CNTN6: variants seen among roughly 807,000 people sequenced by gnomAD.
The protein encoded by CNTN6 is contactin-6.
A neutral mutation model predicts 122.8 loss-of-function variants in CNTN6; 137 were observed. The ratio of observed to expected loss-of-function variants is 1.12; its 90% CI spans 0.97 to 1.29. The LOEUF (loss-of-function observed/expected upper bound fraction) is 1.29. CNTN6 is among the 50% of genes most tolerant of loss of function. The pLI is 0.00. For synonymous variants in CNTN6, 570 were observed against 426.0 expected, an observed-to-expected ratio of 1.34 and a Z score of -4.16; for missense variants, 1,634 against 1,223.4, an observed-to-expected ratio of 1.34 and a Z score of -5.01.
At chr3:1,320,631 C>G (rs1020072610) in intron 7 of CNTN6, among the ~76,000 whole-genome samples, 1 of 151,594 alleles carries the variant, frequency 6.6e-6, no homozygotes, top group African/African-American at 2.4e-5. Flanking sequence ...TTCAAATCAT[C>G]TAAAAATCTA....
intron 4 of CNTN6, among the ~76,000 whole-genome samples, chr3:1,243,517 A>G (rs922760059): frequency 2.6e-5 from 4 of 152,050 alleles, no homozygotes; most frequent in Admixed American, 2.6e-4. Context: ...AATAAAATGT[A>G]TTTTGAGAAT....
rs375408397 is a variant in CNTN6, at chr3:1,222,081, A to T, written c.182+1268A>T. ...CCTTATCTTGAATTTTTTTGAGCTA[A>T]CTTCAGTGTCTTCTTTTTACAACAA... On this transcript the variant is annotated intron_variant, in intron 3 of 22. Transcript: ENST00000446702. Among the ~76,000 whole-genome samples, 18 of 152,272 alleles carry T rather than the reference A, an allele frequency of 1.2e-4. No individual in the cohort carries two copies. In the South Asian group the frequency reaches 3.5e-3, roughly 30 times the overall value.
At chr3:1,203,710 T>G (rs557855144) in intron 2 of CNTN6, among the ~76,000 whole-genome samples, 1 of 152,354 alleles carries the variant, frequency 6.6e-6, no homozygotes, top group South Asian at 2.1e-4. Context: ...TATCATCAAA[T>G]AATGCACGCT....
At chr3:1,217,689 G>C (rs2094147009) in intron 2 of CNTN6, among the ~76,000 whole-genome samples, 1 of 152,174 alleles carries the variant, frequency 6.6e-6, no homozygotes, top group Admixed American at 6.5e-5. Context: ...GAAAATGTGA[G>C]AGGATAGTGA....
At chr3:1,392,893 A>G (rs1246037109) in intron 20 of CNTN6, among the ~76,000 whole-genome samples, 91 of 126,106 alleles carry the variant, frequency 7.2e-4, no homozygotes, top group African/African-American at 2.5e-3. Context: ...CGATCATTAA[A>G]AAGTCAGGAA....
At chr3:1,258,954 G>A (rs2094802678) in intron 4 of CNTN6, among the ~76,000 whole-genome samples, 1 of 152,034 alleles carries the variant, frequency 6.6e-6, no homozygotes. Flanking sequence ...TGATTTTCCG[G>A]CCAATGTCTC....
In CNTN6 at chr3:1,297,847, C is replaced by G. The variant is rs73093208; in HGVS notation, c.659-42C>G. On this transcript the variant is annotated intron_variant, in intron 6 of 22. Transcript: ENST00000446702. Reference sequence around the variant, plus strand: ...GAAGCATTTACTTCATAGAAAACTTCTATTCTCCAGAAATGCTGCTAGCTC... The same window carrying G: ...GAAGCATTTACTTCATAGAAAACTTGTATTCTCCAGAAATGCTGCTAGCTC... The G allele has an allele frequency of 1.3e-3, 1,916 of 1,493,702 alleles. 26 individuals are homozygous for G. In the African/African-American group the frequency reaches 0.024, roughly 19 times the overall value. The allele number at this position is 1,493,702 out of a possible 1,614,324, so 92.5% of individuals were successfully genotyped here. A position where few individuals can be genotyped will look rare whatever the true frequency, so the allele number is the denominator to read the frequency against.
intron 12 of CNTN6, among the ~76,000 whole-genome samples, chr3:1,371,077 TATGA>T (rs951261936): frequency 7.9e-5 from 12 of 152,094 alleles, no homozygotes; most frequent in African/African-American, 2.7e-4. Flanking sequence ...TCTAAATATT[TATGA>T]ATGAAGAAAA....
At chr3:1,295,388 G>A (rs777146703) in intron 5 of CNTN6, among the ~76,000 whole-genome samples, 4 of 152,014 alleles carry the variant, frequency 2.6e-5, no homozygotes, top group Non-Finnish European at 5.9e-5. Flanking sequence ...TCAATGATGG[G>A]GAAAGTGCCC....
At chr3:1,252,032 C>G (rs997248064) in intron 4 of CNTN6, among the ~76,000 whole-genome samples, 12 of 152,144 alleles carry the variant, frequency 7.9e-5, no homozygotes, top group Non-Finnish European at 1.6e-4. Context: ...AACGTTAAAA[C>G]ACACAACAAA....
intron 5 of CNTN6, among the ~76,000 whole-genome samples, chr3:1,293,564 T>G (rs1210116528): frequency 2.6e-5 from 4 of 152,160 alleles, no homozygotes; most frequent in Non-Finnish European, 4.4e-5. Context: ...CTCTGCCATG[T>G]CTTGCTTCCG....
At chr3:1,241,639 CT>C (rs1473185438) in intron 4 of CNTN6, among the ~76,000 whole-genome samples, 3 of 152,092 alleles carry the variant, frequency 2.0e-5, no homozygotes, top group Non-Finnish European at 2.9e-5. Flanking sequence ...TAATTACTTG[CT>C]TGGTTGGCAA....
At chr3:1,236,711 C>T (rs1419964472) in intron 4 of CNTN6, among the ~76,000 whole-genome samples, 2 of 152,190 alleles carry the variant, frequency 1.3e-5, no homozygotes, top group Admixed American at 6.5e-5. Flanking sequence ...AGCTCACCTG[C>T]AATGGATCCA....
At chr3:1,398,874 G>A (rs994774563) in intron 20 of CNTN6, among the ~76,000 whole-genome samples, 1 of 152,006 alleles carries the variant, frequency 6.6e-6, no homozygotes, top group Non-Finnish European at 1.5e-5. Flanking sequence ...TACTCACTCC[G>A]AATGCAACTC....
chr3:1,249,195 C>G (rs1285092222), intron 4 of CNTN6, among the ~76,000 whole-genome samples: 6 of 151,968 alleles, frequency 3.9e-5, no homozygotes, highest in Admixed American at 3.9e-4. Context: ...GAAGGAATAG[C>G]TCTATTATGA....
intron 1 of CNTN6, among the ~76,000 whole-genome samples, chr3:1,098,789 C>CATATATCTATATATAT (rs2090687721): frequency 1.6e-5 from 1 of 63,252 alleles, no homozygotes; most frequent in African/African-American, 7.4e-5. Flanking sequence ...CACACACACA[C>CATATATCTATATATAT]ATATATATAT....
chr3:1,204,160 T>C (rs1451521289), intron 2 of CNTN6, among the ~76,000 whole-genome samples: 1 of 152,168 alleles, frequency 6.6e-6, no homozygotes, highest in East Asian at 1.9e-4. Flanking sequence ...TATTAGTATA[T>C]ATAGAGAGAG....
At chr3:1,370,121 A>G (rs1708798447) in intron 12 of CNTN6, among the ~76,000 whole-genome samples, 1 of 151,938 alleles carries the variant, frequency 6.6e-6, no homozygotes. Flanking sequence ...TTAGAATCCA[A>G]TAAGATCCAA....
chr3:1,216,768 A>G (rs1253777104), intron 2 of CNTN6, among the ~76,000 whole-genome samples: 3 of 152,248 alleles, frequency 2.0e-5, no homozygotes, highest in African/African-American at 7.2e-5. Context: ...TGAGGTTAAT[A>G]AAAGAACTTA....
Sources: allele counts gnomAD v4.1 joint callset (sites outside exome capture counted in the v4.1 genomes callset), GRCh38; gene constraint gnomAD v4.1.1; transcripts MANE v1.5; gene names NCBI Gene and HGNC (gene_info 2026-07-23, HGNC 2026-07-21).